RIT2: variants seen among roughly 807,000 people sequenced by gnomAD.
RIT2 encodes the protein Ras like without CAAX 2.
Under a neutral mutation model 23.7 loss-of-function variants are expected in RIT2, and 24 were observed. The ratio of observed to expected loss-of-function variants is 1.01; its 90% CI spans 0.73 to 1.43. RIT2 has a LOEUF of 1.43. Among genes scored for constraint, RIT2 ranks in the 40% most tolerant of loss-of-function variants. The probability of loss-of-function intolerance (pLI) is 0.00; values close to 1 mark genes in which losing one functional copy is unlikely to be tolerated. For synonymous variants in RIT2, 107 were observed against 91.1 expected (o/e 1.17, Z -0.99); for missense variants, 236 against 266.9 (o/e 0.88, Z 0.81).
intron 1 of RIT2, among the ~76,000 whole-genome samples, chr18:43,063,349 A>G (rs1314657260): frequency 6.6e-6 from 1 of 152,174 alleles, no homozygotes; most frequent in Admixed American, 6.5e-5. Flanking sequence ...AATATTGACT[A>G]ACTTACTTGG....
intron 1 of RIT2, among the ~76,000 whole-genome samples, chr18:43,056,059 C>T (rs1287649016): frequency 6.6e-6 from 1 of 152,016 alleles, no homozygotes; most frequent in Non-Finnish European, 1.5e-5. Context: ...GGTTTATGTA[C>T]AGGGTCCAGT....
intron 4 of RIT2, among the ~76,000 whole-genome samples, chr18:42,783,216 G>C (rs147348746): frequency 5.3e-5 from 8 of 152,176 alleles, no homozygotes; most frequent in East Asian, 3.9e-4. Flanking sequence ...CAAGGCAAAA[G>C]TGAGGATAGT....
chr18:42,866,668 C>T (rs1459587897), intron 4 of RIT2, among the ~76,000 whole-genome samples: 1 of 150,220 alleles, frequency 6.7e-6, no homozygotes, highest in Non-Finnish European at 1.5e-5. Flanking sequence ...AACACCCCTT[C>T]TCCTAGGGTC....
intron 2 of RIT2, among the ~76,000 whole-genome samples, chr18:43,011,230 G>A (rs143837266): frequency 6.6e-6 from 1 of 151,878 alleles, no homozygotes; most frequent in African/African-American, 2.4e-5. Context: ...GAGCAGGAAG[G>A]TGATACTGGC....
chr18:42,823,057 T>TG, intron 4 of RIT2, among the ~76,000 whole-genome samples: 1 of 152,134 alleles, frequency 6.6e-6, no homozygotes, highest in African/African-American at 2.4e-5. Context: ...AAATCAGCAC[T>TG]GGGGGGCAAG....
intron 3 of RIT2, among the ~76,000 whole-genome samples, chr18:42,928,073 A>G (rs1909227407): frequency 6.6e-6 from 1 of 152,018 alleles, no homozygotes; most frequent in Non-Finnish European, 1.5e-5. Flanking sequence ...GCACACAGAT[A>G]GCATTACATA....
intron 4 of RIT2, among the ~76,000 whole-genome samples, chr18:42,744,339 T>C (rs1912869947): frequency 6.6e-6 from 1 of 152,118 alleles, no homozygotes; most frequent in South Asian, 2.1e-4. Flanking sequence ...TATATAGCAA[T>C]GTGAGAATTT....
At chr18:43,001,553 T>G (rs755923495) in intron 2 of RIT2, among the ~76,000 whole-genome samples, 10 of 151,988 alleles carry the variant, frequency 6.6e-5, no homozygotes, top group Non-Finnish European at 1.0e-4. Flanking sequence ...GAATATCTTT[T>G]AAGATATTTT....
At chr18:43,095,690 C>A (rs935600074) in intron 1 of RIT2, among the ~76,000 whole-genome samples, 3 of 151,920 alleles carry the variant, frequency 2.0e-5, no homozygotes, top group African/African-American at 7.2e-5. Context: ...TACCTATCCA[C>A]TTACTTATCT....
chr18:42,927,347 A>G (rs1316320073), intron 3 of RIT2, among the ~76,000 whole-genome samples: 2 of 100,760 alleles, frequency 2.0e-5, no homozygotes, highest in South Asian at 3.2e-4. Flanking sequence ...CACAACACGT[A>G]TATATGTTTC....
chr18:42,758,465 C>T (rs1185557422), intron 4 of RIT2, among the ~76,000 whole-genome samples: 1 of 150,274 alleles, frequency 6.7e-6, no homozygotes, highest in Non-Finnish European at 1.5e-5. Flanking sequence ...TGATGCTTTC[C>T]TCCTTTCTTG....
intron 4 of RIT2, among the ~76,000 whole-genome samples, chr18:42,749,456 A>C (rs1435966455): frequency 6.6e-6 from 1 of 151,822 alleles, no homozygotes; most frequent in Non-Finnish European, 1.5e-5. Context: ...AGCAAAAACA[A>C]GGAAATGATA....
chr18:42,876,005 G>A (rs1002858756), intron 4 of RIT2, among the ~76,000 whole-genome samples: 1 of 151,962 alleles, frequency 6.6e-6, no homozygotes, highest in East Asian at 1.9e-4. Flanking sequence ...ACCTCCTAAA[G>A]CATCAACAGA....
At chr18:43,093,965 G>A (rs1017024692) in intron 1 of RIT2, among the ~76,000 whole-genome samples, 1 of 151,964 alleles carries the variant, frequency 6.6e-6, no homozygotes, top group South Asian at 2.1e-4. Flanking sequence ...ACTGGAACTG[G>A]GGTAAGGCAG....
rs191635466 is a variant in RIT2 at position 42,885,323 on chromosome 18, C to T, written c.426+38249G>A. 1.4e-4 allele frequency among the ~76,000 whole-genome samples: 21 copies of T among 152,342 alleles called. No individual in the cohort carries two copies. The East Asian group carries it at 1.9e-3, about 14-fold the overall frequency. ...AATTAGGGCCAGGCACAGTGGCTCA[C>T]GCCCCTAATCCCAGCACTTTGGGAG... On this transcript the variant is annotated intron_variant, in intron 4 of 4. Coordinates refer to ENST00000326695, the MANE Select transcript of RIT2 (RefSeq NM_002930.4).
rs114477152 is a variant in RIT2, at chr18:43,114,500, T to A, written c.103+917A>T. 1.8e-3 allele frequency among the ~76,000 whole-genome samples: 276 copies of A among 152,224 alleles called. 3 individuals are homozygous for A. Among genetic ancestry groups the A allele is most frequent in the African/African-American group, 6.4e-3 (268 of 41,562 alleles). ...GATTTGTTTTGATGCTTTTTGTCCA[T>A]GCTAACTATAATATTTTTTCTACCT... is the stretch of plus-strand genomic sequence containing the variant. On this transcript the variant is annotated intron_variant, in intron 1 of 4. Coordinates refer to ENST00000326695, the MANE Select transcript of RIT2 (RefSeq NM_002930.4).
At chr18:42,886,142 T>C (rs1007107805) in intron 4 of RIT2, among the ~76,000 whole-genome samples, 2 of 152,232 alleles carry the variant, frequency 1.3e-5, no homozygotes, top group Non-Finnish European at 2.9e-5. Context: ...TTTTCAATGA[T>C]AAGCTGCTGA....
chr18:42,954,390 A>C (rs1009468859), intron 3 of RIT2, among the ~76,000 whole-genome samples: 1 of 151,922 alleles, frequency 6.6e-6, no homozygotes, highest in Non-Finnish European at 1.5e-5. Context: ...AAAAAAAAAA[A>C]AAAACCTGTA....
intron 1 of RIT2, among the ~76,000 whole-genome samples, chr18:43,038,427 G>A (rs1232032203): frequency 6.7e-6 from 1 of 148,492 alleles, no homozygotes; most frequent in Non-Finnish European, 1.5e-5. Context: ...TGACTTTTTA[G>A]ACCTTGTAAA....
Sources: gnomAD v4.1 joint callset for allele counts (sites outside exome capture counted in the v4.1 genomes callset) on GRCh38, gnomAD v4.1.1 for gene constraint, MANE v1.5 for transcripts, NCBI Gene and HGNC (gene_info 2026-07-23, HGNC 2026-07-21) for gene names.